Variants in MAP3K19 observed in about 807,000 individuals in gnomAD.
MAP3K19 encodes mitogen-activated protein kinase kinase kinase 19, also known as SPS1/STE20-related protein kinase YSK4.
A neutral mutation model predicts 114.4 loss-of-function variants in MAP3K19; 91 were observed. That is an observed-to-expected ratio of 0.80 (90% CI 0.67 to 0.95). MAP3K19 has a LOEUF of 0.95. Ranked by LOEUF, MAP3K19 falls within the 40% of genes least tolerant of loss-of-function variation. MAP3K19 has a pLI of 0.00. For missense variants in MAP3K19, 1,471 were observed against 1,573.2 expected (o/e 0.94, Z 1.10); for synonymous variants, 518 against 530.5 (o/e 0.98, Z 0.32).
Position 134,986,909 on chromosome 2 carries a change from A to G in MAP3K19, c.1963T>C (p.Ser655Pro), listed in dbSNP as rs1316274405. 1.7e-5 allele frequency: 27 copies of G among 1,614,120 alleles called. No homozygotes were observed. The highest frequency in any genetic ancestry group is 2.2e-5 in the Non-Finnish European group (26 of 1,180,034). ...KYSDMFKEIN[S>P]TANGPGIYEM... is the part of the protein sequence containing the mutation. Reference sequence around the variant, plus strand: ...TAGATTCCAGGTCCATTAGCAGTTGAATTGATTTCTTTGAACATATCACTA... The same window carrying G: ...TAGATTCCAGGTCCATTAGCAGTTGGATTGATTTCTTTGAACATATCACTA... Residue 655 changes from serine (S) to proline (P), a missense_variant, in exon 10 of 13, where the codon TCA (serine) becomes CCA (proline). Physicochemically the swap from Ser to Pro is moderately conservative, Grantham distance 74. Transcript: ENST00000392915.
chr2:134,969,981 A>C (rs1277622928), intron 12 of MAP3K19, among the ~76,000 whole-genome samples: 4 of 142,616 alleles, frequency 2.8e-5, no homozygotes, highest in African/African-American at 1.1e-4. Flanking sequence ...GTCTATTTTT[A>C]CACCAATACC....
intron 8 of MAP3K19, among the ~76,000 whole-genome samples, chr2:134,994,519 G>T (rs1000065951): frequency 2.6e-5 from 4 of 152,238 alleles, no homozygotes; most frequent in African/African-American, 9.6e-5. Flanking sequence ...ATGGCTGGGA[G>T]CAGAAATGGG....
chr2:134,998,830 A>G lies in MAP3K19; in HGVS notation c.482T>C (p.Leu161Pro). 6.2e-7 allele frequency: 1 copy of G among 1,614,222 alleles called. No individual in the cohort carries two copies. Among genetic ancestry groups the G allele is most frequent in the Non-Finnish European group, 8.5e-7 (1 of 1,180,032 alleles). ...GTTCAGTTCTAAACAAGATCTTGGT[A>G]GCAAAAAGCCCAAGTTCACATTGCA... ...ELCNVNLGFL[L>P]PRSCLELNIS... is the part of the protein sequence containing the mutation. Residue 161 changes from leucine to proline, a missense_variant, in exon 8 of 13, where the codon CTA becomes CCA. By Grantham distance (98) the Leu-to-Pro change is moderately conservative. Coordinates refer to ENST00000392915, the MANE Select transcript of MAP3K19 (RefSeq NM_025052.5).
intron 6 of MAP3K19, 74 bp from the exon 7 acceptor site, chr2:135,000,089 TTC>T: frequency 1.0e-6 from 1 of 998,066 alleles, no homozygotes; most frequent in East Asian, 2.4e-5. Flanking sequence ...CGTACTTTAT[TTC>T]TGTTTGGCTA....
At chr2:135,001,176 C>T (rs1686412488) in intron 6 of MAP3K19, among the ~76,000 whole-genome samples, 1 of 151,058 alleles carries the variant, frequency 6.6e-6, no homozygotes, top group Non-Finnish European at 1.5e-5. Flanking sequence ...TGTTTACAAT[C>T]AGGCAAATGA....
At chr2:135,021,852 T>G in intron 4 of MAP3K19, 22 bp from the exon 5 acceptor site, 1 of 1,417,460 alleles carries the variant, frequency 7.1e-7, no homozygotes, top group Non-Finnish European at 9.8e-7. Flanking sequence ...AACATAATAG[T>G]ATGTTTTGAT....
At chr2:134,970,709 T>C (rs2105147944) in intron 12 of MAP3K19, among the ~76,000 whole-genome samples, 1 of 151,860 alleles carries the variant, frequency 6.6e-6, no homozygotes, top group East Asian at 1.9e-4. Context: ...GCCATTCTCC[T>C]GCCTCAGCCT....
chr2:135,002,902 G>A (rs1346170178), intron 6 of MAP3K19, among the ~76,000 whole-genome samples: 5 of 152,164 alleles, frequency 3.3e-5, no homozygotes, highest in Non-Finnish European at 7.3e-5. Context: ...TGGACTGGAT[G>A]TTCTGAATGT....
intron 11 of MAP3K19, among the ~76,000 whole-genome samples, chr2:134,982,544 T>C (rs1408901917): frequency 1.3e-5 from 2 of 151,418 alleles, no homozygotes; most frequent in Admixed American, 6.6e-5. Flanking sequence ...AGAGACGGGG[T>C]TTTACCATAT....
intron 8 of MAP3K19, among the ~76,000 whole-genome samples, chr2:134,997,624 T>G (rs780227818): frequency 6.6e-6 from 1 of 151,946 alleles, no homozygotes; most frequent in Non-Finnish European, 1.5e-5. Context: ...ATCGACACCA[T>G]CCTGGCCAAC....
chr2:134,980,090 G>GCCACCAGGAACAAACTCCATTT (rs1684526902), intron 12 of MAP3K19, among the ~76,000 whole-genome samples: 1 of 152,140 alleles, frequency 6.6e-6, no homozygotes, highest in Non-Finnish European at 1.5e-5. Flanking sequence ...TAGGTAGGTG[G>GCCACCAGGAACAAACTCCATTT]GTTTGGGGCT....
At chr2:135,027,371 G>A (rs1038141397) in intron 3 of MAP3K19, among the ~76,000 whole-genome samples, 44 of 136,208 alleles carry the variant, frequency 3.2e-4, no homozygotes, top group African/African-American at 1.2e-3. Flanking sequence ...GAAAGAGAGA[G>A]AGAAAGAAAG....
At chr2:134,969,145 G>A (rs1683672903) in intron 12 of MAP3K19, among the ~76,000 whole-genome samples, 1 of 151,754 alleles carries the variant, frequency 6.6e-6, no homozygotes. Context: ...GTTAGGAGCT[G>A]GAGACCGGCC....
chr2:135,032,419 A>G (rs984183886), intron 2 of MAP3K19, among the ~76,000 whole-genome samples: 2 of 151,498 alleles, frequency 1.3e-5, no homozygotes, highest in Non-Finnish European at 2.9e-5. Context: ...ATGATTAAAC[A>G]TAGAACTCCC....
chr2:135,007,212 A>G (rs1024854403), intron 5 of MAP3K19, among the ~76,000 whole-genome samples: 5 of 152,162 alleles, frequency 3.3e-5, no homozygotes, highest in Admixed American at 1.3e-4. Flanking sequence ...AGTCATTAAA[A>G]ATATTTTAGG....
chr2:134,983,422 C>A, intron 11 of MAP3K19: 1 of 600,846 alleles, frequency 1.7e-6, no homozygotes, highest in Non-Finnish European at 3.1e-6. Flanking sequence ...GAGACCAGAT[C>A]CTGATGACAT....
chr2:134,968,110 C>T (rs1449334192), intron 12 of MAP3K19, among the ~76,000 whole-genome samples: 1 of 152,172 alleles, frequency 6.6e-6, no homozygotes, highest in Non-Finnish European at 1.5e-5. Context: ...GCACATCTTG[C>T]ACCGCCCCTA....
chr2:135,030,123 T>C (rs1010146818), intron 3 of MAP3K19, among the ~76,000 whole-genome samples, 189 bp downstream of exon 3: 1 of 152,226 alleles, frequency 6.6e-6, no homozygotes, highest in Non-Finnish European at 1.5e-5. Flanking sequence ...TGCTCCTGTG[T>C]TCTTTTATTA....
At chr2:135,021,105 G>C (rs536746918) in intron 5 of MAP3K19, among the ~76,000 whole-genome samples, 2 of 150,012 alleles carry the variant, frequency 1.3e-5, no homozygotes, top group Non-Finnish European at 3.0e-5. Flanking sequence ...ACACAGGCAC[G>C]CTCACCCAGA....
Sources: gnomAD v4.1 joint callset for allele counts (sites outside exome capture counted in the v4.1 genomes callset) on GRCh38, gnomAD v4.1.1 for gene constraint, MANE v1.5 for transcripts, NCBI Gene and HGNC (gene_info 2026-07-23, HGNC 2026-07-21) for gene names.